The following ARHGAP36 variants were observed in gnomAD, a reference collection of about 807,000 sequenced individuals.
ARHGAP36 encodes the protein rho GTPase-activating protein 36.
Under a neutral mutation model 32.9 loss-of-function variants are expected in ARHGAP36, and 7 were observed. The ratio of observed to expected loss-of-function variants is 0.21; its 90% confidence interval spans 0.12 to 0.40. The LOEUF (loss-of-function observed/expected upper bound fraction) is 0.40, where lower values mean the gene tolerates loss of function less well. ARHGAP36 is among the 10% of genes least tolerant of loss of function. The pLI, the probability that ARHGAP36 is intolerant of heterozygous loss-of-function variation, is 1.00. For synonymous variants in ARHGAP36, 165 were observed against 168.3 expected, an observed-to-expected ratio of 0.98 and a Z score of 0.15; for missense variants, 383 against 442.2, an observed-to-expected ratio of 0.87 and a Z score of 1.20.
At chrX:131,077,528 T>C (rs2079769031) in intron 1 of ARHGAP36, among the ~76,000 whole-genome samples, 2 of 110,686 alleles carry the variant, frequency 1.8e-5, no homozygotes, top group South Asian at 7.7e-4. Flanking sequence ...TATGCCTAGT[T>C]GAAACCATTT....
At chrX:131,079,385 A>C (rs931623452) in intron 1 of ARHGAP36, among the ~76,000 whole-genome samples, 9 of 111,491 alleles carry the variant, frequency 8.1e-5, no homozygotes, top group African/African-American at 2.3e-4. Flanking sequence ...TATCTATGCT[A>C]GGTGTTTTCC....
Position 131,088,871 on chromosome X carries a change from G to T in ARHGAP36, c.*86G>T. 1 of 1,110,833 alleles carries T rather than the reference G, an allele frequency of 9.0e-7. No homozygotes were observed. Among genetic ancestry groups the T allele is most frequent in the Non-Finnish European group, 1.2e-6 (1 of 839,519 alleles). 91.5% of individuals were successfully genotyped at this position (1,110,833 alleles called of 1,213,427 possible). The stretch of plus-strand genomic sequence containing the variant: ...CACAGGAAACATTAAGGAGAGAGTT[G>T]AAGGTAAAGATCTGAAGGTAAGAAG... On this transcript the variant is annotated 3_prime_UTR_variant, in exon 12 of 12. Coordinates refer to ENST00000276211, the MANE Select transcript of ARHGAP36 (RefSeq NM_144967.4).
At chrX:131,071,445 G>A (rs894052838) in intron 1 of ARHGAP36, among the ~76,000 whole-genome samples, 3 of 111,266 alleles carry the variant, frequency 2.7e-5, no homozygotes, top group Non-Finnish European at 5.7e-5. Context: ...ATTCTGGGGG[G>A]AGGGGAGGGC....
At chrX:131,079,562 G>GTTTTTTTTTTTTT (rs11417328) in intron 1 of ARHGAP36, among the ~76,000 whole-genome samples, 1 of 93,138 alleles carries the variant, frequency 1.1e-5, no homozygotes, top group African/African-American at 4.0e-5. Flanking sequence ...TTTGTTTTTT[G>GTTTTTTTTTTTTT]TTTTTTTTTT....
intron 1 of ARHGAP36, among the ~76,000 whole-genome samples, chrX:131,080,198 A>G (rs1477888751): frequency 1.8e-5 from 2 of 111,668 alleles, no homozygotes; most frequent in Non-Finnish European, 3.8e-5. Context: ...CTTCAAGAAT[A>G]TGACAACCTC....
At chrX:131,080,886 T>C (rs2079793122) in intron 1 of ARHGAP36, among the ~76,000 whole-genome samples, 1 of 112,166 alleles carries the variant, frequency 8.9e-6, no homozygotes, top group Non-Finnish European at 1.9e-5. Context: ...CTTTTATTTT[T>C]ATGCATGTTT....
chrX:131,081,437 C>CT (rs1271372141), intron 1 of ARHGAP36, 87 bp from the exon 2 acceptor site: 373 of 700,502 alleles, frequency 5.3e-4, no homozygotes, highest in Non-Finnish European at 6.0e-4. Context: ...TCTCTTTGTA[C>CT]TTTTTTTTTC....
chrX:131,058,363 G>A lies in ARHGAP36; in HGVS notation c.-224G>A. 4 of 1,126,316 alleles carry A rather than the reference G, an allele frequency of 3.6e-6. No homozygotes were observed. Among genetic ancestry groups the A allele is most frequent in the Non-Finnish European group, 4.7e-6 (4 of 853,181 alleles). The allele number at this position is 1,126,316 out of a possible 1,213,427, so 92.8% of individuals were successfully genotyped here. ...GGGACGACGCAAAGGTTAACTGCGAGCTGCCGGGCACTCAGCGCGGGTCAT... is the reference window on the plus strand; with the variant it reads ...GGGACGACGCAAAGGTTAACTGCGAACTGCCGGGCACTCAGCGCGGGTCAT... On this transcript the variant is annotated 5_prime_UTR_variant, in exon 1 of 12. Transcript: ENST00000276211.
intron 1 of ARHGAP36, 77 bp from the exon 2 acceptor site, chrX:131,081,446 TC>T: frequency 1.3e-6 from 1 of 791,184 alleles, no homozygotes; most frequent in Non-Finnish European, 1.6e-6. Flanking sequence ...ACTTTTTTTT[TC>T]TAATTAGGTT....
intron 1 of ARHGAP36, among the ~76,000 whole-genome samples, chrX:131,068,933 T>C (rs901909141): frequency 9.0e-6 from 1 of 111,581 alleles, no homozygotes; most frequent in African/African-American, 3.3e-5. Flanking sequence ...TGTTCCCCCC[T>C]CCCGCTTATG....
Position 131,084,408 on chromosome X carries a change from G to A in ARHGAP36, c.748+1G>A. 1 of 1,201,404 alleles carries A rather than the reference G, an allele frequency of 8.3e-7. No homozygotes were observed. The highest frequency in any genetic ancestry group is 1.1e-6 in the Non-Finnish European group (1 of 890,396). ...TGCTGCCAATTCATTGAAAAACATGGTAAGGGAGCTGCAAATGGGTAAATC... is the reference window on the plus strand; with the variant it reads ...TGCTGCCAATTCATTGAAAAACATGATAAGGGAGCTGCAAATGGGTAAATC... On this transcript the variant is annotated splice_donor_variant, in intron 5 of 11. Transcript: ENST00000276211. LOFTEE classifies it high-confidence loss of function.
At chrX:131,074,436 AAT>A (rs1383580356) in intron 1 of ARHGAP36, among the ~76,000 whole-genome samples, 3 of 107,378 alleles carry the variant, frequency 2.8e-5, no homozygotes, top group Non-Finnish European at 5.8e-5. Flanking sequence ...TGTGAGTGGG[AAT>A]ATGTGTGTGT....
chrX:131,084,454 A>G, intron 5 of ARHGAP36, 47 bp downstream of exon 5: 2 of 1,171,018 alleles, frequency 1.7e-6, no homozygotes, highest in Non-Finnish European at 2.3e-6. Flanking sequence ...GCAAAGGGAA[A>G]GGAGGGATGT....
In ARHGAP36 at chrX:131,081,297, G is replaced by GA. The variant is rs569935261; in HGVS notation, c.-142-216dup. On this transcript the variant is annotated intron_variant, in intron 1 of 11. Transcript: ENST00000276211. ...ACAGCATCGAGTATCGTCATGGAAA[G>GA]AAAAAAAAAAACCTCTAAAAACGCT... is the stretch of plus-strand genomic sequence containing the variant. 9.4e-4 allele frequency among the ~76,000 whole-genome samples: 92 copies of GA among 97,553 alleles called. 1 individual carries two copies. The highest frequency in any genetic ancestry group is 2.2e-3 in the East Asian group (7 of 3,163). 84.7% of individuals were successfully genotyped at this position (97,553 alleles called of 115,157 possible). A position where few individuals can be genotyped will look rare whatever the true frequency, so the allele number is the denominator to read the frequency against.
chrX:131,084,539 G>T lies in ARHGAP36; in HGVS notation c.749-87G>T, dbSNP rs767326463. The T allele has an allele frequency of 7.2e-5, 82 of 1,142,323 alleles. 1 individual carries two copies. The Middle Eastern group carries it at 1.7e-3, about 23-fold the overall frequency. 94.1% of individuals were successfully genotyped at this position (1,142,323 alleles called of 1,213,427 possible). On this transcript the variant is annotated intron_variant, in intron 5 of 11. Transcript: ENST00000276211. ...ATTCCCCTGACACCCAGTGGAGGTC[G>T]CGATGCAGTAGGGGGTGAGGGGAGA...
At chrX:131,067,822 T>C in intron 1 of ARHGAP36, among the ~76,000 whole-genome samples, 1 of 111,873 alleles carries the variant, frequency 8.9e-6, no homozygotes, top group Non-Finnish European at 1.9e-5. Flanking sequence ...GATTGACTTA[T>C]AGAGAAATCT....
rs1226019113 is a variant in ARHGAP36 at position 131,088,805 on chromosome X, G to A, written c.*20G>A. ...CCTTAGATGTTTTTCCTTCTATAAGGTGCCAGACAGGGGAAAAGGGTGGGG... is the reference window on the plus strand; with the variant it reads ...CCTTAGATGTTTTTCCTTCTATAAGATGCCAGACAGGGGAAAAGGGTGGGG... On this transcript the variant is annotated 3_prime_UTR_variant, in exon 12 of 12. Transcript: ENST00000276211. 8.4e-7 allele frequency: 1 copy of A among 1,186,964 alleles called. No homozygotes were observed. The highest frequency in any genetic ancestry group is 1.1e-6 in the Non-Finnish European group (1 of 885,044).
At position 131,088,664 on chromosome X, in the gene ARHGAP36, C is replaced by T. The variant is rs143373002; in HGVS notation, c.1523C>T (p.Ala508Val). 2.5e-5 allele frequency: 30 copies of T among 1,209,660 alleles called. No individual in the cohort carries two copies. The highest frequency in any genetic ancestry group is 3.5e-5 in the African/African-American group (2 of 57,306). ...GAGCCAGCTGTGCCTTCCGGCACTG[C>T]CCGTTCCCATGACGATGAGGAAGGA... ...SEEPAVPSGT[A>V]RSHDDEEGAG... The change falls in exon 12 of 12, where the codon GCC becomes GTC. Residue 508 changes from alanine (A) to valine (V), a missense_variant. By Grantham distance (64) the Ala-to-Val change is moderately conservative (BLOSUM62 0). Coordinates refer to ENST00000276211, the MANE Select transcript of ARHGAP36 (RefSeq NM_144967.4).
intron 1 of ARHGAP36, among the ~76,000 whole-genome samples, chrX:131,080,238 G>A (rs980928636): frequency 5.4e-5 from 6 of 111,022 alleles, no homozygotes; most frequent in African/African-American, 1.3e-4. Flanking sequence ...TGCACAAGCT[G>A]TTCTCTCTGG....
Sources: gnomAD v4.1 joint callset for allele counts (sites outside exome capture counted in the v4.1 genomes callset) on GRCh38, gnomAD v4.1.1 for gene constraint, MANE v1.5 for transcripts, NCBI Gene and HGNC (gene_info 2026-07-23, HGNC 2026-07-21) for gene names.